TBL1XR1: variants seen among roughly 807,000 people sequenced by gnomAD.
TBL1XR1 encodes the protein F-box-like/WD repeat-containing protein TBL1XR1.
TBL1XR1 carries 5 observed loss-of-function variants against 66.9 expected under a neutral mutation model. That is an observed-to-expected ratio of 0.07 (90% CI 0.04 to 0.16). The LOEUF is 0.16. TBL1XR1 is among the 10% of genes least tolerant of loss of function. The pLI, the probability that TBL1XR1 is intolerant of heterozygous loss-of-function variation, is 1.00. For synonymous variants in TBL1XR1, 210 were observed against 206.0 expected (o/e 1.02, Z -0.17); for missense variants, 238 against 623.2 (o/e 0.38, Z 6.58).
chr3:177,093,863 A>T (rs921588454), intron 2 of TBL1XR1, among the ~76,000 whole-genome samples: 12 of 152,322 alleles, frequency 7.9e-5, no homozygotes, highest in African/African-American at 2.4e-4. Context: ...CTGAAACCAT[A>T]AGAATTCCAG....
intron 1 of TBL1XR1, among the ~76,000 whole-genome samples, chr3:177,149,713 T>A (rs1560230780): frequency 1.3e-5 from 2 of 151,980 alleles, no homozygotes; most frequent in Non-Finnish European, 2.9e-5. Flanking sequence ...TCTAAATGGT[T>A]GGGGGGGCCG....
intron 1 of TBL1XR1, among the ~76,000 whole-genome samples, chr3:177,126,758 T>C (rs1727678019): frequency 1.3e-5 from 2 of 151,976 alleles, no homozygotes; most frequent in Non-Finnish European, 2.9e-5. Flanking sequence ...TCAATAAATA[T>C]GTCTTTAGCA....
intron 1 of TBL1XR1, among the ~76,000 whole-genome samples, chr3:177,167,568 C>T (rs1732972996): frequency 6.6e-6 from 1 of 152,170 alleles, no homozygotes; most frequent in South Asian, 2.1e-4. Flanking sequence ...GGACACGAGG[C>T]AGAGGGTATG....
chr3:177,117,650 G>C (rs957549346), intron 1 of TBL1XR1, among the ~76,000 whole-genome samples: 2 of 152,144 alleles, frequency 1.3e-5, no homozygotes, highest in African/African-American at 4.8e-5. Flanking sequence ...TTCTAGTGCA[G>C]TAATGAAAAT....
chr3:177,101,816 CGAAT>C (rs1265651784), intron 1 of TBL1XR1, among the ~76,000 whole-genome samples: 1 of 152,136 alleles, frequency 6.6e-6, no homozygotes, highest in African/African-American at 2.4e-5. Context: ...GGAAACAGAA[CGAAT>C]GAATGAATGT....
chr3:177,192,850 G>A (rs571009060), intron 1 of TBL1XR1, among the ~76,000 whole-genome samples: 9 of 152,216 alleles, frequency 5.9e-5, no homozygotes, highest in African/African-American at 9.6e-5. Flanking sequence ...TTACACTGAT[G>A]AAGAAACAAA....
intron 12 of TBL1XR1, among the ~76,000 whole-genome samples, 199 bp from the exon 13 acceptor site, chr3:177,034,524 T>C (rs1714490981): frequency 6.6e-6 from 1 of 152,058 alleles, no homozygotes; most frequent in Non-Finnish European, 1.5e-5. Flanking sequence ...AAAAAAAAGT[T>C]AGCTTTAAGC....
At chr3:177,032,947 A>C in intron 14 of TBL1XR1, 24 bp downstream of exon 14, 1 of 1,507,948 alleles carries the variant, frequency 6.6e-7, no homozygotes, top group Middle Eastern at 1.8e-4. Flanking sequence ...AGAGCACTTG[A>C]CCATTTAAAT....
At chr3:177,047,670 C>T (rs1716502463) in intron 7 of TBL1XR1, 121 bp from the exon 8 acceptor site, 1 of 1,196,484 alleles carries the variant, frequency 8.4e-7, no homozygotes, top group South Asian at 1.5e-5. Flanking sequence ...TGCTTCAAAA[C>T]TTGTCAGTTT....
chr3:177,111,902 A>AG (rs1725612051), intron 1 of TBL1XR1, among the ~76,000 whole-genome samples: 1 of 151,318 alleles, frequency 6.6e-6, no homozygotes, highest in Admixed American at 6.6e-5. Flanking sequence ...CAGTGGTCTT[A>AG]GGCCTACAAC....
chr3:177,136,438 C>T (rs1473932092), intron 1 of TBL1XR1, among the ~76,000 whole-genome samples: 1 of 152,142 alleles, frequency 6.6e-6, no homozygotes, highest in African/African-American at 2.4e-5. Context: ...AGCCACTACA[C>T]CCAGCTAATT....
At chr3:177,103,376 T>G (rs1310402483) in intron 1 of TBL1XR1, among the ~76,000 whole-genome samples, 1 of 152,248 alleles carries the variant, frequency 6.6e-6, no homozygotes. Context: ...GTTTGTGTTT[T>G]GTCTCCAAAC....
chr3:177,157,823 T>C (rs1249386755), intron 1 of TBL1XR1, among the ~76,000 whole-genome samples: 2 of 152,194 alleles, frequency 1.3e-5, no homozygotes, highest in Non-Finnish European at 2.9e-5. Context: ...AAGGGAACTT[T>C]TCCAGTTTTA....
At position 177,025,182 on chromosome 3, in the gene TBL1XR1, T is replaced by C. The variant is rs577677315; in HGVS notation, c.*316A>G. 2.3e-5 allele frequency: 7 copies of C among 299,180 alleles called. No individual in the cohort carries two copies. Among genetic ancestry groups the C allele is most frequent in the East Asian group, 1.7e-4 (3 of 17,544 alleles). 18.5% of individuals were successfully genotyped at this position (299,180 alleles called of 1,614,324 possible). On this transcript the variant is annotated 3_prime_UTR_variant, in exon 16 of 16. Transcript: ENST00000457928. ...CTGTCATTTAGTATCCAAAAACTGG[T>C]ACATGTATGTTCTGCTTTTATAATG...
intron 1 of TBL1XR1, among the ~76,000 whole-genome samples, chr3:177,121,696 C>T (rs1020626139): frequency 6.6e-6 from 1 of 152,108 alleles, no homozygotes; most frequent in African/African-American, 2.4e-5. Context: ...CTCTGAGCTC[C>T]GCCTCTTTTT....
chr3:177,027,475 G>A (rs1182198488), intron 14 of TBL1XR1: 1 of 152,178 alleles, frequency 6.6e-6, no homozygotes, highest in African/African-American at 2.4e-5. Context: ...TATGAAACCA[G>A]TCAATATAAC....
intron 1 of TBL1XR1, among the ~76,000 whole-genome samples, chr3:177,129,165 A>T (rs1727994553): frequency 6.6e-6 from 1 of 152,212 alleles, no homozygotes; most frequent in Non-Finnish European, 1.5e-5. Flanking sequence ...AAAAAATTGT[A>T]TTATACTTTT....
intron 1 of TBL1XR1, among the ~76,000 whole-genome samples, chr3:177,134,185 C>T (rs568300789): frequency 6.6e-6 from 1 of 152,250 alleles, no homozygotes; most frequent in Non-Finnish European, 1.5e-5. Context: ...ATTCTTTATT[C>T]CTGTTTTTGT....
intron 1 of TBL1XR1, among the ~76,000 whole-genome samples, chr3:177,172,537 C>T (rs958696972): frequency 6.6e-6 from 1 of 151,402 alleles, no homozygotes; most frequent in Non-Finnish European, 1.5e-5. Context: ...GCAGGAGGAT[C>T]GCATGAGCCC....
Sources: allele counts gnomAD v4.1 joint callset (sites outside exome capture counted in the v4.1 genomes callset), GRCh38; gene constraint gnomAD v4.1.1; transcripts MANE v1.5; gene names NCBI Gene and HGNC (gene_info 2026-07-23, HGNC 2026-07-21).